Variants in C6orf89 observed in about 807,000 individuals in gnomAD.
C6orf89 encodes chromosome 6 open reading frame 89, also known as bombesin receptor-activated protein C6orf89.
C6orf89 carries 29 observed loss-of-function variants against 40.7 expected under a neutral mutation model. The observed-to-expected ratio is 0.71, with a 90% confidence interval of 0.53 to 0.97. The LOEUF (loss-of-function observed/expected upper bound fraction) is 0.97. Among genes scored for constraint, C6orf89 ranks in the 50% least tolerant of loss-of-function variants. The probability of loss-of-function intolerance (pLI) is 0.00; values close to 1 mark genes in which losing one functional copy is unlikely to be tolerated. For missense variants in C6orf89, 392 were observed against 429.1 expected (o/e 0.91, Z 0.76); for synonymous variants, 165 against 152.2 (o/e 1.08, Z -0.62).
Position 36,902,369 on chromosome 6 carries a change from A to G in C6orf89, c.338A>G (p.Lys113Arg), listed in dbSNP as rs1490796040. The G allele has an allele frequency of 2.5e-6, 4 of 1,614,112 alleles. No homozygotes were observed. In the Admixed American group the frequency reaches 5.0e-5, roughly 20 times the overall value. ...AGGCTGATGTCCTTGCCCATTGCCA[A>G]GAAGTACATGTCAGAAAATAAGGGA... ...HIRLMSLPIA[K>R]KYMSENKGVP... The change falls in exon 4 of 9, where the codon AAG becomes AGG. Residue 113 changes from lysine (K) to arginine (R), a missense_variant. Coordinates refer to ENST00000480824, the MANE Select transcript of C6orf89 (RefSeq NM_001286635.2).
intron 1 of C6orf89, among the ~76,000 whole-genome samples, chr6:36,891,783 T>A (rs1761218060): frequency 6.6e-6 from 1 of 152,232 alleles, no homozygotes; most frequent in South Asian, 2.1e-4. Context: ...GATTGGGATG[T>A]ATCTTGATGG....
intron 1 of C6orf89, among the ~76,000 whole-genome samples, chr6:36,873,685 G>T: frequency 6.6e-6 from 1 of 152,132 alleles, no homozygotes; most frequent in East Asian, 1.9e-4. Context: ...CATATAAGGT[G>T]GGGAAGATGG....
Position 36,926,582 on chromosome 6 carries a change from G to A in C6orf89, c.*3141G>A, listed in dbSNP as rs540450194. On this transcript the variant is annotated 3_prime_UTR_variant, in exon 9 of 9. Coordinates refer to ENST00000480824, the MANE Select transcript of C6orf89 (RefSeq NM_001286635.2). ...AAAAGAGAGAGAGAAAAGAAGAGGGGAGGGGAGGGAAAGGGAAGGGAGGGG... is the reference window on the plus strand; with the variant it reads ...AAAAGAGAGAGAGAAAAGAAGAGGGAAGGGGAGGGAAAGGGAAGGGAGGGG... 1 of 129,708 alleles carries A rather than the reference G, an allele frequency of 7.7e-6. No homozygotes were observed. Among genetic ancestry groups the A allele is most frequent in the East Asian group, 2.4e-4 (1 of 4,234 alleles). The allele number at this position is 129,708 out of a possible 1,614,324, so 8.0% of individuals were successfully genotyped here.
chr6:36,882,931 G>C (rs1264788997), upstream of C6orf89, among the ~76,000 whole-genome samples: 1 of 151,160 alleles, frequency 6.6e-6, no homozygotes, highest in African/African-American at 2.4e-5. Context: ...AGTAGAGACG[G>C]GGTTTCACCT....
chr6:36,886,368 A>G (rs533059512), intron 1 of C6orf89, among the ~76,000 whole-genome samples: 1 of 152,282 alleles, frequency 6.6e-6, no homozygotes, highest in South Asian at 2.1e-4. Context: ...TTTTGACGGA[A>G]TTTTTAAGAA....
rs71556976 is a variant in C6orf89, at chr6:36,889,582, C to CAAAAACA, written c.-120+3559_-120+3560insCAAAAAA. Among the ~76,000 whole-genome samples, 611 of 140,500 alleles carry CAAAAACA rather than the reference C, an allele frequency of 4.3e-3. 4 individuals carry two copies. Among genetic ancestry groups the CAAAAACA allele is most frequent in the African/African-American group, 0.013 (480 of 38,338 alleles). 92.2% of individuals were successfully genotyped at this position (140,500 alleles called of 152,430 possible). ...GTCCTAAAAGACCAAAAAACAAAAA[C>CAAAAACA]AAAAAAAAAAAGAAAAACCACACAC... is the stretch of plus-strand genomic sequence containing the variant. On this transcript the variant is annotated intron_variant, in intron 1 of 8. Transcript: ENST00000480824.
At chr6:36,911,305 C>T (rs2150706004) in intron 4 of C6orf89, among the ~76,000 whole-genome samples, 1 of 152,234 alleles carries the variant, frequency 6.6e-6, no homozygotes, top group South Asian at 2.1e-4. Context: ...GCCTGGCCAA[C>T]ATGGTGAAAC....
Position 36,899,483 on chromosome 6 carries a change from A to G in C6orf89, c.39A>G (p.Lys13=). 1.2e-6 allele frequency: 2 copies of G among 1,614,184 alleles called. No individual in the cohort carries two copies. The highest frequency in any genetic ancestry group is 1.7e-6 in the Non-Finnish European group (2 of 1,180,034). Residue 13 remains lysine (K), a synonymous_variant, in exon 3 of 9, where the codon AAA becomes AAG. Transcript: ENST00000480824. ...LAANEISIYD[K]LSETVDLVRQ... is the part of the protein sequence containing the mutation. ...CCAACGAGATCAGCATTTATGACAA[A>G]CTTTCAGAGACTGTTGATTTGGTGA...
intron 1 of C6orf89, among the ~76,000 whole-genome samples, 155 bp downstream of exon 1, chr6:36,886,183 G>A (rs1299378853): frequency 6.6e-6 from 1 of 152,182 alleles, no homozygotes; most frequent in Non-Finnish European, 1.5e-5. Flanking sequence ...CAGTTTTGTA[G>A]ACTGACAGCA....
chr6:36,886,997 C>G (rs1322437378), intron 1 of C6orf89, among the ~76,000 whole-genome samples: 1 of 151,810 alleles, frequency 6.6e-6, no homozygotes, highest in Non-Finnish European at 1.5e-5. Context: ...TTTTTCAAGA[C>G]CTGCTTTGAA....
At chr6:36,877,358 A>G (rs1486608048) in intron 1 of C6orf89, among the ~76,000 whole-genome samples, 3 of 151,936 alleles carry the variant, frequency 2.0e-5, no homozygotes, top group African/African-American at 7.3e-5. Flanking sequence ...TTGAGACACA[A>G]TCTCACTCTG....
At chr6:36,880,812 T>C (rs1004745076) in intron 2 of C6orf89, among the ~76,000 whole-genome samples, 2 of 152,240 alleles carry the variant, frequency 1.3e-5, no homozygotes, top group African/African-American at 4.8e-5. Context: ...TATGGTAAAT[T>C]CTTGTCCTAA....
chr6:36,885,588 G>T (rs1255981750), upstream of C6orf89, among the ~76,000 whole-genome samples: 1 of 152,192 alleles, frequency 6.6e-6, no homozygotes. Context: ...GGAAGGGGCT[G>T]CTCTTCATTT....
At chr6:36,903,898 C>T (rs1761825775) in intron 4 of C6orf89, among the ~76,000 whole-genome samples, 1 of 151,342 alleles carries the variant, frequency 6.6e-6, no homozygotes, top group African/African-American at 2.4e-5. Flanking sequence ...TTGAAAATTT[C>T]AGATGTAACT....
chr6:36,906,191 CATTT>C (rs1184191037), intron 4 of C6orf89, among the ~76,000 whole-genome samples: 3 of 152,202 alleles, frequency 2.0e-5, no homozygotes, highest in Non-Finnish European at 4.4e-5. Context: ...AATAGCAAAT[CATTT>C]ATTGGCCTCA....
At chr6:36,922,565 C>G (rs1028602334) in intron 8 of C6orf89, among the ~76,000 whole-genome samples, 1 of 152,064 alleles carries the variant, frequency 6.6e-6, no homozygotes, top group Non-Finnish European at 1.5e-5. Flanking sequence ...AGTAGGGTCT[C>G]GAGTCAGTCG....
intron 3 of C6orf89, 137 bp from the exon 4 acceptor site, chr6:36,902,084 G>A (rs143708611): frequency 2.0e-5 from 14 of 693,550 alleles, no homozygotes; most frequent in African/African-American, 1.3e-4. Context: ...GTAAACCTAA[G>A]TGGCTTGTTT....
chr6:36,914,806 A>G, intron 6 of C6orf89, 113 bp downstream of exon 6: 2 of 1,286,068 alleles, frequency 1.6e-6, no homozygotes, highest in Non-Finnish European at 2.2e-6. Flanking sequence ...CCTGGCCAAC[A>G]TGGCAAAACC....
upstream of C6orf89, among the ~76,000 whole-genome samples, chr6:36,882,257 C>T (rs1774833836): frequency 6.6e-6 from 1 of 152,122 alleles, no homozygotes; most frequent in South Asian, 2.1e-4. Context: ...TGTTTTAAAC[C>T]TTTGGTATTT....
Sources: gnomAD v4.1 joint callset for allele counts (sites outside exome capture counted in the v4.1 genomes callset) on GRCh38, gnomAD v4.1.1 for gene constraint, MANE v1.5 for transcripts, NCBI Gene and HGNC (gene_info 2026-07-23, HGNC 2026-07-21) for gene names.